The following NAV2 variants were observed in gnomAD, a reference collection of about 807,000 sequenced individuals.
NAV2 encodes the protein neuron navigator 2.
Under a neutral mutation model 223.2 loss-of-function variants are expected in NAV2, and 54 were observed. The ratio of observed to expected loss-of-function variants is 0.24; its 90% confidence interval spans 0.19 to 0.30. The LOEUF is 0.30. Ranked by LOEUF, NAV2 falls within the 10% of genes least tolerant of loss-of-function variation. The probability of loss-of-function intolerance (pLI) is 1.00; values close to 1 mark genes in which losing one functional copy is unlikely to be tolerated. For missense variants in NAV2, 2,806 were observed against 3,147.5 expected (o/e 0.89, Z 2.60); for synonymous variants, 1,279 against 1,239.3 (o/e 1.03, Z -0.67).
At chr11:19,656,176 T>C (rs951605648) in intron 1 of NAV2, among the ~76,000 whole-genome samples, 1 of 152,130 alleles carries the variant, frequency 6.6e-6, no homozygotes, top group Non-Finnish European at 1.5e-5. Context: ...CAGATAGAAA[T>C]GACAAAATGC....
In NAV2 at chr11:19,420,216, G is replaced by GA. The variant is rs949641188; in HGVS notation, c.75+69196dup. Among the ~76,000 whole-genome samples the GA allele has an allele frequency of 2.7e-4, 41 of 152,110 alleles. 1 individual carries two copies. The highest frequency in any genetic ancestry group is 9.4e-4 in the African/African-American group (39 of 41,492). On this transcript the variant is annotated intron_variant, in intron 1 of 37. Coordinates refer to the NAV2 transcript ENST00000360655. Reference sequence around the variant, plus strand: ...AGCCTATGGGCTGTTGTGCAGTTTGGAAAAAAACAAAATATGGGTGACTTA... The same window carrying GA: ...AGCCTATGGGCTGTTGTGCAGTTTGGAAAAAAAACAAAATATGGGTGACTTA...
At chr11:19,939,963 C>G (rs1362052533) in intron 8 of NAV2, among the ~76,000 whole-genome samples, 190 bp downstream of exon 8, 1 of 151,400 alleles carries the variant, frequency 6.6e-6, no homozygotes, top group Non-Finnish European at 1.5e-5. Context: ...TTTTCTCTCC[C>G]TCTTACAGTT....
chr11:20,005,000 G>A (rs138591017), intron 11 of NAV2, among the ~76,000 whole-genome samples: 2 of 152,072 alleles, frequency 1.3e-5, no homozygotes, highest in Admixed American at 6.5e-5. Context: ...GCTTACTTGC[G>A]ATAATCCCAA....
intron 1 of NAV2, among the ~76,000 whole-genome samples, chr11:19,820,531 C>A (rs966193154): frequency 6.6e-6 from 1 of 152,176 alleles, no homozygotes; most frequent in African/African-American, 2.4e-5. Flanking sequence ...CAGTTTTCAG[C>A]CTCACTTGGA....
chr11:19,353,651 C>T (rs1260664172), intron 1 of NAV2, among the ~76,000 whole-genome samples: 2 of 152,120 alleles, frequency 1.3e-5, no homozygotes, highest in Non-Finnish European at 2.9e-5. Context: ...AAGAAATGTT[C>T]CACATATCCT....
chr11:20,071,674 ATC>A (rs141670248), intron 22 of NAV2, among the ~76,000 whole-genome samples: 22,540 of 152,080 alleles, frequency 0.15, 1,835 homozygotes, highest in African/African-American at 0.18. Context: ...ATGAGATGGT[ATC>A]TCATTGTGGT....
At chr11:19,823,283 C>G (rs986767418) in intron 1 of NAV2, among the ~76,000 whole-genome samples, 1 of 152,234 alleles carries the variant, frequency 6.6e-6, no homozygotes, top group African/African-American at 2.4e-5. Flanking sequence ...TCTTGGCTCA[C>G]TGTAACCACT....
intron 3 of NAV2, among the ~76,000 whole-genome samples, chr11:19,866,552 C>T (rs2062104783): frequency 6.6e-6 from 1 of 152,150 alleles, no homozygotes; most frequent in African/African-American, 2.4e-5. Flanking sequence ...TGTATCAAGG[C>T]TAGCCTTGCA....
At chr11:19,712,428 C>T (rs1178116971), upstream of NAV2, 1 of 152,330 alleles carries the variant, frequency 6.6e-6, no homozygotes, top group African/African-American at 2.4e-5. Flanking sequence ...CGGCCCTGCC[C>T]AAGCCAGATG....
At chr11:19,820,287 C>T (rs2059304899) in intron 1 of NAV2, among the ~76,000 whole-genome samples, 1 of 152,256 alleles carries the variant, frequency 6.6e-6, no homozygotes, top group Admixed American at 6.5e-5. Flanking sequence ...TGATTGCCAT[C>T]ATACCAGAGG....
chr11:20,040,372 T>C (rs993441026), intron 12 of NAV2, among the ~76,000 whole-genome samples: 8 of 152,194 alleles, frequency 5.3e-5, no homozygotes, highest in Non-Finnish European at 1.2e-4. Context: ...CCACTGTTTA[T>C]TGAGTCCCCC....
intron 1 of NAV2, among the ~76,000 whole-genome samples, chr11:19,627,751 G>T (rs1361717852): frequency 6.6e-6 from 1 of 151,900 alleles, no homozygotes; most frequent in East Asian, 1.9e-4. Flanking sequence ...TCCCATCTAT[G>T]CACTGACGGT....
Position 19,927,439 on chromosome 11 carries a change from G to A in NAV2, c.932-5737G>A, listed in dbSNP as rs557209690. Among the ~76,000 whole-genome samples, 26 of 152,278 alleles carry A rather than the reference G, an allele frequency of 1.7e-4. No homozygotes were observed. The Middle Eastern group carries it at 0.01, about 60-fold the overall frequency. On this transcript the variant is annotated intron_variant, in intron 6 of 37. Coordinates refer to ENST00000349880, the MANE Select transcript of NAV2 (RefSeq NM_145117.5). Reference sequence around the variant, plus strand: ...TCTACTAAGAATACAAAAATTAGCCGGGCATGGTGGCAGGAACCTGTAATC... The same window carrying A: ...TCTACTAAGAATACAAAAATTAGCCAGGCATGGTGGCAGGAACCTGTAATC...
At chr11:19,795,526 A>G (rs1422263348) in intron 1 of NAV2, among the ~76,000 whole-genome samples, 1 of 152,256 alleles carries the variant, frequency 6.6e-6, no homozygotes, top group Non-Finnish European at 1.5e-5. Flanking sequence ...AGCTATTAAG[A>G]TGTTCACCAG....
At chr11:19,747,443 A>C (rs930029232) in intron 1 of NAV2, among the ~76,000 whole-genome samples, 1 of 152,192 alleles carries the variant, frequency 6.6e-6, no homozygotes, top group Non-Finnish European at 1.5e-5. Context: ...AGGTTGAATC[A>C]GTAGTTTGAA....
At chr11:19,948,156 G>T (rs962970884) in intron 9 of NAV2, among the ~76,000 whole-genome samples, 3 of 152,012 alleles carry the variant, frequency 2.0e-5, no homozygotes, top group Non-Finnish European at 4.4e-5. Context: ...TGCAATCTCA[G>T]CTCACTGCAA....
intron 11 of NAV2, among the ~76,000 whole-genome samples, chr11:19,996,195 ACTT>A (rs2051862853): frequency 6.6e-6 from 1 of 152,170 alleles, no homozygotes. Flanking sequence ...TGGCCACAAA[ACTT>A]CTGCTTTTAA....
intron 1 of NAV2, among the ~76,000 whole-genome samples, chr11:19,513,576 C>A (rs1363186217): frequency 6.6e-6 from 1 of 152,170 alleles, no homozygotes; most frequent in Non-Finnish European, 1.5e-5. Context: ...GCTTGGCACA[C>A]TATGTAAATC....
chr11:20,082,736 C>T lies in NAV2; in HGVS notation c.5326-271C>T. The stretch of plus-strand genomic sequence containing the variant: ...ACCTCATCTTCCCAACATCCATCTG[C>T]TGAGCCAGACTCTGTGTTGCTGTTG... On this transcript the variant is annotated intron_variant, in intron 25 of 37. Transcript: ENST00000349880. 3.1e-6 allele frequency: 3 copies of T among 961,046 alleles called. No homozygotes were observed. In the South Asian group the frequency reaches 4.3e-5, roughly 14 times the overall value. 59.5% of individuals were successfully genotyped at this position (961,046 alleles called of 1,614,324 possible). A position where few individuals can be genotyped will look rare whatever the true frequency, so the allele number is the denominator to read the frequency against.
Sources: gnomAD v4.1 joint callset for allele counts (sites outside exome capture counted in the v4.1 genomes callset) on GRCh38, gnomAD v4.1.1 for gene constraint, MANE v1.5 for transcripts, NCBI Gene and HGNC (gene_info 2026-07-23, HGNC 2026-07-21) for gene names.